The following ERBIN variants were observed in gnomAD, a reference collection of about 807,000 sequenced individuals.
ERBIN encodes the protein erbb2 interacting protein, also known as densin-180-like protein.
A neutral mutation model predicts 158.4 loss-of-function variants in ERBIN; 60 were observed. The ratio of observed to expected loss-of-function variants is 0.38; its 90% CI spans 0.31 to 0.47. The LOEUF (loss-of-function observed/expected upper bound fraction) is 0.47. Among genes scored for constraint, ERBIN ranks in the 20% least tolerant of loss-of-function variants. The probability of loss-of-function intolerance (pLI) is 0.99; values close to 1 mark genes in which losing one functional copy is unlikely to be tolerated. For synonymous variants in ERBIN, 594 were observed against 557.2 expected, an observed-to-expected ratio of 1.07 and a Z score of -0.93; for missense variants, 1,610 against 1,648.0, an observed-to-expected ratio of 0.98 and a Z score of 0.40.
rs530819606 is a variant in ERBIN at position 66,020,876 on chromosome 5, T to C, written c.534-446T>C. On this transcript the variant is annotated intron_variant, in intron 7 of 25. Coordinates refer to ENST00000284037, the MANE Select transcript of ERBIN (RefSeq NM_001253697.2). The stretch of plus-strand genomic sequence containing the variant: ...GTAATACAACGTACTGTTAGCATTT[T>C]GAATATTAATTTTCGGAGTTACAGT... Among the ~76,000 whole-genome samples, 7 of 152,168 alleles carry C rather than the reference T, an allele frequency of 4.6e-5. No individual in the cohort carries two copies. The South Asian group carries it at 1.5e-3, about 32-fold the overall frequency.
chr5:65,932,508 T>G (rs1743567218), intron 1 of ERBIN, among the ~76,000 whole-genome samples: 1 of 152,176 alleles, frequency 6.6e-6, no homozygotes, highest in African/African-American at 2.4e-5. Context: ...ATTTCAATAT[T>G]ATAAACACAG....
At chr5:65,947,850 T>C (rs921062896) in intron 1 of ERBIN, among the ~76,000 whole-genome samples, 1 of 151,690 alleles carries the variant, frequency 6.6e-6, no homozygotes, top group Non-Finnish European at 1.5e-5. Context: ...CTACTAAAAA[T>C]ACAAAAATTA....
rs1758879604 is a variant in ERBIN, at chr5:66,050,226, C to CTA, written c.1904-556_1904-555insAT. On this transcript the variant is annotated intron_variant, in intron 19 of 25. Transcript: ENST00000284037. ...ACCTTGTCAGTAACTAAATCGAATTCTTTTTTTTTTTTTTTTTTTTTTTTT... is the reference window on the plus strand; with the variant it reads ...ACCTTGTCAGTAACTAAATCGAATTCTATTTTTTTTTTTTTTTTTTTTTTTTT... Among the ~76,000 whole-genome samples the CTA allele has an allele frequency of 5.1e-4, 5 of 9,738 alleles. 2 individuals are homozygous for CTA. Among genetic ancestry groups the CTA allele is most frequent in the African/African-American group, 2.7e-3 (5 of 1,874 alleles). 6.4% of individuals were successfully genotyped at this position (9,738 alleles called of 152,430 possible). A position where few individuals can be genotyped will look rare whatever the true frequency, so the allele number is the denominator to read the frequency against.
At position 66,054,505 on chromosome 5, in the gene ERBIN, G is replaced by A. The variant is rs1201522732; in HGVS notation, c.3187G>A (p.Asp1063Asn). Reference sequence around the variant, plus strand: ...GGAAATGTGGGCCATCTCACCAAACGACCGACTTATTCCTGCAGTAACTCG... The same window carrying A: ...GGAAATGTGGGCCATCTCACCAAACAACCGACTTATTCCTGCAGTAACTCG... ...HGEMWAISPN[D>N]RLIPAVTRST... The change falls in exon 21 of 26, where the codon GAC becomes AAC. Residue 1063 changes from aspartate (D) to asparagine (N), a missense_variant. Asp to Asn is a conservative substitution (Grantham distance 23). This residue lies in a region of ERBIN where 1,014 missense variants were observed against 936.1 expected (regional missense o/e 1.08). Coordinates refer to ENST00000284037, the MANE Select transcript of ERBIN (RefSeq NM_001253697.2). 4 of 1,613,950 alleles carry A rather than the reference G, an allele frequency of 2.5e-6. No individual in the cohort carries two copies. The highest frequency in any genetic ancestry group is 1.6e-4 in the Middle Eastern group (1 of 6,084).
chr5:66,064,470 A>G (rs910165432), intron 21 of ERBIN, among the ~76,000 whole-genome samples: 16 of 152,202 alleles, frequency 1.1e-4, no homozygotes, highest in Non-Finnish European at 2.2e-4. Context: ...TCATTTTACC[A>G]TAAGGAAATT....
At position 66,082,234 on chromosome 5, in the gene ERBIN, T is replaced by TG. The variant is rs1762416521; in HGVS notation, c.*3705dup. On this transcript the variant is annotated 3_prime_UTR_variant, in exon 26 of 26. Transcript: ENST00000284037. The stretch of plus-strand genomic sequence containing the variant: ...TTAGAGAATGTTTAGAGAAAACACC[T>TG]GAAATTTTTTTTAAGAGAACAACCT... The TG allele has an allele frequency of 6.6e-6, 1 of 152,174 alleles. No individual in the cohort carries two copies. The highest frequency in any genetic ancestry group is 2.4e-5 in the African/African-American group (1 of 41,432). 9.4% of individuals were successfully genotyped at this position (152,174 alleles called of 1,614,324 possible).
chr5:66,066,759 T>G (rs1300031747), intron 21 of ERBIN, among the ~76,000 whole-genome samples: 2 of 152,236 alleles, frequency 1.3e-5, no homozygotes, highest in Non-Finnish European at 2.9e-5. Context: ...TTACGTTCAC[T>G]CGTTATTATA....
At chr5:65,954,476 T>C (rs1257807487) in intron 1 of ERBIN, among the ~76,000 whole-genome samples, 1 of 152,212 alleles carries the variant, frequency 6.6e-6, no homozygotes. Context: ...AGTCCAGTTT[T>C]GGTTACATGT....
intron 20 of ERBIN, among the ~76,000 whole-genome samples, chr5:66,052,756 G>T (rs1759175343): frequency 6.6e-6 from 1 of 152,172 alleles, no homozygotes; most frequent in Non-Finnish European, 1.5e-5. Flanking sequence ...ATTTTGGAAT[G>T]ACACATTTAA....
chr5:66,076,186 ATATT>A, intron 23 of ERBIN, 126 bp from the exon 24 acceptor site: 1 of 678,054 alleles, frequency 1.5e-6, no homozygotes. Flanking sequence ...ATCTGACCAA[ATATT>A]TATTTTTGAT....
intron 1 of ERBIN, among the ~76,000 whole-genome samples, chr5:65,952,927 T>A (rs147312830): frequency 1.2e-3 from 179 of 152,300 alleles, no homozygotes; most frequent in African/African-American, 4.0e-3. Flanking sequence ...AATTTAAAAG[T>A]TATAAATCAA....
At chr5:65,948,422 C>T (rs952070436) in intron 1 of ERBIN, among the ~76,000 whole-genome samples, 1 of 151,996 alleles carries the variant, frequency 6.6e-6, no homozygotes, top group Admixed American at 6.6e-5. Context: ...AATGATTCTC[C>T]TGCTGCAGCA....
chr5:66,039,437 T>C (rs1353415271), intron 15 of ERBIN, among the ~76,000 whole-genome samples: 1 of 151,926 alleles, frequency 6.6e-6, no homozygotes, highest in Non-Finnish European at 1.5e-5. Context: ...AGAGGATGCT[T>C]ACCCTTACTT....
At chr5:66,014,012 G>C (rs1338312454) in intron 6 of ERBIN, among the ~76,000 whole-genome samples, 2 of 151,982 alleles carry the variant, frequency 1.3e-5, no homozygotes, top group Non-Finnish European at 2.9e-5. Context: ...GTTTCTGGGG[G>C]CGACCTCATC....
intron 21 of ERBIN, among the ~76,000 whole-genome samples, chr5:66,062,143 A>G (rs993910306): frequency 6.6e-5 from 10 of 152,140 alleles, no homozygotes; most frequent in African/African-American, 2.2e-4. Context: ...GTGTTTTCCA[A>G]CTTGGTTCCA....
intron 1 of ERBIN, among the ~76,000 whole-genome samples, chr5:65,953,958 T>C (rs1317495384): frequency 2.0e-5 from 3 of 151,946 alleles, no homozygotes; most frequent in African/African-American, 7.3e-5. Flanking sequence ...TTTTTTAAAA[T>C]GTAAAACTTA....
intron 1 of ERBIN, among the ~76,000 whole-genome samples, chr5:65,943,091 T>C (rs1745267620): frequency 6.6e-6 from 1 of 152,352 alleles, no homozygotes; most frequent in Middle Eastern, 3.4e-3. Flanking sequence ...TATTATTAGC[T>C]AAAGTCTATT....
At chr5:66,051,053 A>G in intron 20 of ERBIN, 87 bp downstream of exon 20, 2 of 801,434 alleles carry the variant, frequency 2.5e-6, no homozygotes, top group African/African-American at 1.8e-5. Context: ...TATAGGGTTT[A>G]ATAAATATTA....
chr5:66,072,067 C>A, intron 21 of ERBIN, 102 bp from the exon 22 acceptor site: 5 of 1,249,736 alleles, frequency 4.0e-6, no homozygotes, highest in African/African-American at 1.5e-5. Flanking sequence ...CATCTTTGCA[C>A]TATTTGGCAA....
Sources: allele counts gnomAD v4.1 joint callset (sites outside exome capture counted in the v4.1 genomes callset), GRCh38; gene constraint gnomAD v4.1.1; regional missense constraint gnomAD v4.1.1; transcripts MANE v1.5; gene names NCBI Gene and HGNC (gene_info 2026-07-23, HGNC 2026-07-21).